Variants in MTHFD2L observed in about 807,000 individuals in gnomAD.
MTHFD2L encodes bifunctional methylenetetrahydrofolate dehydrogenase/cyclohydrolase 2, mitochondrial.
Under a neutral mutation model 34.9 loss-of-function variants are expected in MTHFD2L, and 29 were observed. That is an observed-to-expected ratio of 0.83 (90% confidence interval 0.62 to 1.13). MTHFD2L has a LOEUF of 1.13. Ranked by LOEUF, MTHFD2L falls within the 50% of genes most tolerant of loss-of-function variation. The probability of loss-of-function intolerance (pLI) is 0.00; values close to 1 mark genes in which losing one functional copy is unlikely to be tolerated. For missense variants in MTHFD2L, 481 were observed against 446.5 expected (o/e 1.08, Z -0.70); for synonymous variants, 167 against 155.7 (o/e 1.07, Z -0.54).
intron 1 of MTHFD2L, among the ~76,000 whole-genome samples, chr4:74,126,820 C>T (rs1041355465): frequency 3.3e-5 from 5 of 151,850 alleles, no homozygotes; most frequent in African/African-American, 9.7e-5. Flanking sequence ...TTTGGGGATA[C>T]TTGTGATAAT....
At chr4:74,191,938 TG>T in intron 3 of MTHFD2L, among the ~76,000 whole-genome samples, 1 of 152,250 alleles carries the variant, frequency 6.6e-6, no homozygotes, top group South Asian at 2.1e-4. Flanking sequence ...TTCTTCTTAC[TG>T]TGTCCAGCTG....
At chr4:74,274,072 A>C (rs570948622) in intron 6 of MTHFD2L, among the ~76,000 whole-genome samples, 1 of 151,982 alleles carries the variant, frequency 6.6e-6, no homozygotes, top group South Asian at 2.1e-4. Context: ...GGCTGGTCTC[A>C]AACTCCTGAC....
At chr4:74,246,712 C>T (rs1003096427) in intron 6 of MTHFD2L, among the ~76,000 whole-genome samples, 2 of 152,130 alleles carry the variant, frequency 1.3e-5, no homozygotes, top group African/African-American at 4.8e-5. Context: ...GCCAGTTTTC[C>T]CAGCACCATT....
intron 7 of MTHFD2L, among the ~76,000 whole-genome samples, chr4:74,289,836 G>A (rs1386525319): frequency 1.3e-5 from 2 of 152,124 alleles, no homozygotes; most frequent in Non-Finnish European, 2.9e-5. Context: ...AGCAAGAGTG[G>A]AGGTGCCAGT....
intron 7 of MTHFD2L, among the ~76,000 whole-genome samples, chr4:74,291,520 T>C (rs1748957543): frequency 6.6e-6 from 1 of 152,216 alleles, no homozygotes; most frequent in Non-Finnish European, 1.5e-5. Flanking sequence ...CACATATTCA[T>C]TAATGATACA....
At chr4:74,165,250 A>G (rs751959846) in intron 1 of MTHFD2L, among the ~76,000 whole-genome samples, 6 of 152,262 alleles carry the variant, frequency 3.9e-5, no homozygotes, top group African/African-American at 7.2e-5. Context: ...AACATTCAGC[A>G]TGAACAATTA....
At chr4:74,243,955 T>A (rs1742066533) in intron 6 of MTHFD2L, among the ~76,000 whole-genome samples, 1 of 152,212 alleles carries the variant, frequency 6.6e-6, no homozygotes. Context: ...AATCTGTTGG[T>A]AGGTGTGACG....
chr4:74,188,441 T>G (rs1021834297), intron 3 of MTHFD2L, among the ~76,000 whole-genome samples: 2 of 152,178 alleles, frequency 1.3e-5, no homozygotes, highest in Non-Finnish European at 2.9e-5. Context: ...CCTACCCTCA[T>G]GAACTCATCT....
chr4:74,246,940 T>G (rs965275186), intron 6 of MTHFD2L, among the ~76,000 whole-genome samples: 4 of 152,170 alleles, frequency 2.6e-5, no homozygotes, highest in African/African-American at 9.7e-5. Flanking sequence ...TCCTTTGGCT[T>G]AGGATTGACT....
intron 5 of MTHFD2L, among the ~76,000 whole-genome samples, chr4:74,210,614 GA>G (rs1437743023): frequency 6.6e-6 from 1 of 152,188 alleles, no homozygotes; most frequent in East Asian, 1.9e-4. Flanking sequence ...ATAGTTTGAA[GA>G]CAGGTAGCAT....
chr4:74,293,043 A>G (rs1283471338), intron 7 of MTHFD2L, among the ~76,000 whole-genome samples: 1 of 151,432 alleles, frequency 6.6e-6, no homozygotes, highest in Non-Finnish European at 1.5e-5. Flanking sequence ...TGGTTTTTTG[A>G]ATAGGTTTTT....
intron 1 of MTHFD2L, among the ~76,000 whole-genome samples, chr4:74,129,661 A>G (rs1039072851): frequency 6.6e-6 from 1 of 152,172 alleles, no homozygotes. Context: ...TCCTAACATT[A>G]CAATTAAGAG....
intron 5 of MTHFD2L, among the ~76,000 whole-genome samples, chr4:74,220,915 T>C (rs1222424325): frequency 6.6e-6 from 1 of 151,104 alleles, no homozygotes; most frequent in Non-Finnish European, 1.5e-5. Flanking sequence ...ATGATTCATT[T>C]TCTTATTTCT....
At chr4:74,131,084 G>A (rs2109804283) in intron 1 of MTHFD2L, among the ~76,000 whole-genome samples, 1 of 152,170 alleles carries the variant, frequency 6.6e-6, no homozygotes, top group South Asian at 2.1e-4. Context: ...AAGGAAATGA[G>A]AGGACACAAA....
At chr4:74,271,524 G>A (rs1366151198) in intron 6 of MTHFD2L, among the ~76,000 whole-genome samples, 6 of 152,124 alleles carry the variant, frequency 3.9e-5, no homozygotes, top group Non-Finnish European at 7.4e-5. Context: ...TGTTCCATTG[G>A]TCTATATCTC....
At chr4:74,177,713 A>G (rs1043089270) in intron 3 of MTHFD2L, among the ~76,000 whole-genome samples, 2 of 151,948 alleles carry the variant, frequency 1.3e-5, no homozygotes, top group Non-Finnish European at 2.9e-5. Flanking sequence ...AATTAAAAAT[A>G]GAATACCGTA....
intron 6 of MTHFD2L, among the ~76,000 whole-genome samples, chr4:74,229,229 G>A (rs1396969034): frequency 3.3e-5 from 5 of 151,968 alleles, no homozygotes. Flanking sequence ...AAAACATGTA[G>A]GCATTTATAA....
Position 74,264,779 on chromosome 4 carries a change from C to A in MTHFD2L, c.806-16646C>A, listed in dbSNP as rs184495678. On this transcript the variant is annotated intron_variant, in intron 6 of 7. Coordinates refer to ENST00000325278, the MANE Select transcript of MTHFD2L (RefSeq NM_001144978.3). Reference sequence around the variant, plus strand: ...CAGCAGCGTTAATATTAATGGATTTCTTTTCTTTTTTTACTACTTTCTGTT... The same window carrying A: ...CAGCAGCGTTAATATTAATGGATTTATTTTCTTTTTTTACTACTTTCTGTT... Among the ~76,000 whole-genome samples, 11 of 151,784 alleles carry A rather than the reference C, an allele frequency of 7.2e-5. No homozygotes were observed. In the East Asian group the frequency reaches 1.9e-3, roughly 27 times the overall value.
At chr4:74,265,999 G>A (rs1302907743) in intron 6 of MTHFD2L, among the ~76,000 whole-genome samples, 2 of 152,098 alleles carry the variant, frequency 1.3e-5, no homozygotes, top group Non-Finnish European at 2.9e-5. Context: ...TTATGTGTTA[G>A]ATTCTGATAT....
Sources: gnomAD v4.1 joint callset for allele counts (sites outside exome capture counted in the v4.1 genomes callset) on GRCh38, gnomAD v4.1.1 for gene constraint, MANE v1.5 for transcripts, NCBI Gene and HGNC (gene_info 2026-07-23, HGNC 2026-07-21) for gene names.